Variants in AOAH observed in about 807,000 individuals in gnomAD.
The protein encoded by AOAH is acyloxyacyl hydrolase (neutrophil).
In AOAH, 64 loss-of-function variants were observed where a neutral mutation model predicts 92.2. The observed-to-expected ratio is 0.69, with a 90% CI of 0.57 to 0.86. AOAH has a LOEUF of 0.86. AOAH is among the 40% of genes least tolerant of loss of function. The pLI, the probability that AOAH is intolerant of heterozygous loss-of-function variation, is 0.00. For synonymous variants in AOAH, 263 were observed against 254.5 expected (o/e 1.03, Z -0.32); for missense variants, 656 against 694.6 (o/e 0.94, Z 0.62).
In AOAH at chr7:36,673,931, T is replaced by C. The variant is rs375901050; in HGVS notation, c.290+12A>G. ...GCAATGGAATCAGAGTTATGTGTCA[T>C]GGCATACTCACAGTTTTATGATGTC... On this transcript the variant is annotated intron_variant, in intron 3 of 20. Transcript: ENST00000617537. The C allele has an allele frequency of 4.8e-5, 77 of 1,592,984 alleles. No individual in the cohort carries two copies. In the African/African-American group the frequency reaches 7.8e-4, roughly 16 times the overall value.
At chr7:36,569,209 A>T (rs1025939555) in intron 13 of AOAH, among the ~76,000 whole-genome samples, 2 of 152,096 alleles carry the variant, frequency 1.3e-5, no homozygotes, top group African/African-American at 4.8e-5. Context: ...AACCCCAAAG[A>T]GGTGTGTATA....
chr7:36,610,112 TTTTTTTCTTTTTTC>T (rs1173190255), intron 11 of AOAH, among the ~76,000 whole-genome samples: 1 of 135,290 alleles, frequency 7.4e-6, no homozygotes, highest in East Asian at 2.0e-4. Context: ...GGTTTTTTTC[TTTTTTTCTTTTTTC>T]TTTTTTTTTT....
intron 1 of AOAH, among the ~76,000 whole-genome samples, chr7:36,704,923 G>A (rs189774898): frequency 9.2e-5 from 14 of 152,098 alleles, no homozygotes; most frequent in African/African-American, 3.4e-4. Flanking sequence ...TACAGAAAAG[G>A]CCTTCAATAA....
At chr7:36,535,038 G>GTGTC (rs1554280924) in intron 16 of AOAH, among the ~76,000 whole-genome samples, 23 of 105,936 alleles carry the variant, frequency 2.2e-4, no homozygotes, top group South Asian at 3.3e-4. Flanking sequence ...GTGTGTGTCT[G>GTGTC]TGTGTGTGTA....
intron 13 of AOAH, among the ~76,000 whole-genome samples, chr7:36,567,881 C>T (rs1787823507): frequency 6.6e-6 from 1 of 152,364 alleles, no homozygotes; most frequent in Non-Finnish European, 1.5e-5. Flanking sequence ...GGCATCTCTC[C>T]TTCTGCTAGA....
At chr7:36,659,548 G>T (rs1335278251) in intron 3 of AOAH, among the ~76,000 whole-genome samples, 1 of 152,112 alleles carries the variant, frequency 6.6e-6, no homozygotes, top group Non-Finnish European at 1.5e-5. Context: ...TTCTTTTCAG[G>T]CAAAGCCACA....
chr7:36,525,592 G>A (rs1241134587), intron 19 of AOAH, among the ~76,000 whole-genome samples: 1 of 152,168 alleles, frequency 6.6e-6, no homozygotes, highest in Non-Finnish European at 1.5e-5. Flanking sequence ...TGCAGGTTGA[G>A]CATCCCACAT....
chr7:36,705,459 AAC>A (rs1005461349), intron 1 of AOAH, among the ~76,000 whole-genome samples: 1 of 152,214 alleles, frequency 6.6e-6, no homozygotes, highest in Non-Finnish European at 1.5e-5. Flanking sequence ...GAGAAATACA[AAC>A]CATTGCTCAA....
At chr7:36,538,552 G>A (rs1248943223) in intron 16 of AOAH, among the ~76,000 whole-genome samples, 1 of 152,204 alleles carries the variant, frequency 6.6e-6, no homozygotes, top group African/African-American at 2.4e-5. Context: ...CTATTACTGT[G>A]ATGGAGTAAA....
rs114200532 is a variant in AOAH, at chr7:36,699,515, T to C, written c.128-12721A>G. ...AGATCATGTCTCATTGTAGTTTTGA[T>C]TTGCATTTCTCTAATGATTAGTGAT... On this transcript the variant is annotated intron_variant, in intron 1 of 20. Coordinates refer to ENST00000617537, the MANE Select transcript of AOAH (RefSeq NM_001637.4). Among the ~76,000 whole-genome samples the C allele has an allele frequency of 3.8e-3, 586 of 152,280 alleles. 8 individuals carry two copies. The highest frequency in any genetic ancestry group is 0.013 in the African/African-American group (561 of 41,572).
intron 20 of AOAH, among the ~76,000 whole-genome samples, chr7:36,520,991 G>A (rs1784079063): frequency 1.3e-5 from 2 of 152,206 alleles, no homozygotes; most frequent in South Asian, 2.1e-4. Flanking sequence ...GTTGGGGAGT[G>A]AGCATCCTTC....
intron 12 of AOAH, among the ~76,000 whole-genome samples, chr7:36,583,819 C>T (rs935944342): frequency 1.3e-5 from 2 of 152,070 alleles, no homozygotes; most frequent in African/African-American, 4.8e-5. Context: ...GCAGGTGTAG[C>T]TCTCTCCATC....
intron 15 of AOAH, among the ~76,000 whole-genome samples, chr7:36,541,738 C>A (rs1305280159): frequency 6.6e-6 from 1 of 152,192 alleles, no homozygotes; most frequent in East Asian, 1.9e-4. Context: ...GTTTAAAAGG[C>A]AAGGGGTGCT....
At chr7:36,553,639 C>T (rs1029678134) in intron 13 of AOAH, among the ~76,000 whole-genome samples, 27 of 152,064 alleles carry the variant, frequency 1.8e-4, no homozygotes, top group Non-Finnish European at 3.2e-4. Flanking sequence ...CACATCTTCT[C>T]CAGCACCTGT....
intron 1 of AOAH, among the ~76,000 whole-genome samples, chr7:36,715,640 GAA>G (rs2117003757): frequency 1.4e-5 from 2 of 147,480 alleles, no homozygotes; most frequent in South Asian, 4.5e-4. Flanking sequence ...TAGACCAACG[GAA>G]CGGAACAGAG....
intron 11 of AOAH, among the ~76,000 whole-genome samples, chr7:36,611,615 C>T (rs568458886): frequency 6.6e-6 from 1 of 152,136 alleles, no homozygotes; most frequent in South Asian, 2.1e-4. Context: ...CAGAGTGAGC[C>T]ACTGTCCTCC....
Position 36,661,877 on chromosome 7 carries a change from C to T in AOAH, c.291-2612G>A, listed in dbSNP as rs542651472. ...GGTCTGCTCCACCAAAGGAATTTTA[C>T]ACCTGGGCATGCAGAATAACAAATG... On this transcript the variant is annotated intron_variant, in intron 3 of 20. Transcript: ENST00000617537. Among the ~76,000 whole-genome samples the T allele has an allele frequency of 3.3e-5, 5 of 152,308 alleles. No individual in the cohort carries two copies. In the East Asian group the frequency reaches 5.8e-4, roughly 18 times the overall value.
At chr7:36,608,135 C>A (rs922356681) in intron 11 of AOAH, among the ~76,000 whole-genome samples, 7 of 152,214 alleles carry the variant, frequency 4.6e-5, no homozygotes, top group African/African-American at 1.7e-4. Context: ...CCTGCTGCCT[C>A]GGTCACTGCT....
At chr7:36,652,809 AG>A (rs1171920641) in intron 4 of AOAH, among the ~76,000 whole-genome samples, 3 of 152,344 alleles carry the variant, frequency 2.0e-5, no homozygotes, top group African/African-American at 7.2e-5. Context: ...ATGAAAAACA[AG>A]GAAAGATGAA....
Sources: allele counts gnomAD v4.1 joint callset (sites outside exome capture counted in the v4.1 genomes callset), GRCh38; gene constraint gnomAD v4.1.1; transcripts MANE v1.5; gene names NCBI Gene and HGNC (gene_info 2026-07-23, HGNC 2026-07-21).